DAB1: variants seen among roughly 807,000 people sequenced by gnomAD.
DAB1 encodes the protein disabled homolog 1.
A neutral mutation model predicts 64.6 loss-of-function variants in DAB1; 15 were observed. That is an observed-to-expected ratio of 0.23 (90% confidence interval 0.16 to 0.36). DAB1 has a LOEUF of 0.36. DAB1 is among the 10% of genes least tolerant of loss of function. The pLI is 1.00. For missense variants in DAB1, 596 were observed against 706.7 expected (o/e 0.84, Z 1.78); for synonymous variants, 235 against 251.9 (o/e 0.93, Z 0.64).
At chr1:57,622,586 C>T (rs934735645) in intron 7 of DAB1, among the ~76,000 whole-genome samples, 1 of 152,112 alleles carries the variant, frequency 6.6e-6, no homozygotes, top group Non-Finnish European at 1.5e-5. Context: ...TATCATTTTT[C>T]CTGTTTTGTG....
intron 5 of DAB1, among the ~76,000 whole-genome samples, chr1:57,979,635 T>C (rs1646013430): frequency 6.6e-6 from 1 of 152,272 alleles, no homozygotes; most frequent in Non-Finnish European, 1.5e-5. Flanking sequence ...TCCTCCAGCA[T>C]GCCTTGACAG....
chr1:58,499,864 T>C (rs1164153679), intron 3 of DAB1, among the ~76,000 whole-genome samples: 4 of 152,020 alleles, frequency 2.6e-5, no homozygotes, highest in Non-Finnish European at 5.9e-5. Flanking sequence ...AAAGTATTTA[T>C]GAAACAACTG....
intron 7 of DAB1, among the ~76,000 whole-genome samples, chr1:57,473,685 T>C (rs1239154832): frequency 2.0e-5 from 3 of 152,194 alleles, no homozygotes; most frequent in African/African-American, 7.2e-5. Flanking sequence ...TCCTGGCATC[T>C]AGAGCTGCTC....
chr1:57,334,961 A>G (rs539102278), intron 1 of DAB1, among the ~76,000 whole-genome samples: 8 of 152,336 alleles, frequency 5.3e-5, no homozygotes, highest in African/African-American at 1.7e-4. Flanking sequence ...TAGAAACCAG[A>G]GAACTAACCT....
chr1:57,439,418 G>GTTTTTTTTTTTTTTTTTTTTTTTTTT lies in DAB1; in HGVS notation n.626-148253_626-148252insAAAAAAAAAAAAAAAAAAAAAAAAAA. On this transcript the variant is annotated intron_variant and non_coding_transcript_variant, in intron 7 of 20. Coordinates refer to the DAB1 transcript ENST00000485760. ...GCCATGCCATCAACTTGGTGATGAGGTTTTTTCTTTTTTTTTTTTTTTTTT... is the reference window on the plus strand; with the variant it reads ...GCCATGCCATCAACTTGGTGATGAGGTTTTTTTTTTTTTTTTTTTTTTTTTTTTTTTTCTTTTTTTTTTTTTTTTTT... 1.0e-3 allele frequency among the ~76,000 whole-genome samples: 121 copies of GTTTTTTTTTTTTTTTTTTTTTTTTTT among 116,090 alleles called. 9 individuals carry two copies. Among genetic ancestry groups the GTTTTTTTTTTTTTTTTTTTTTTTTTT allele is most frequent in the African/African-American group, 2.1e-3 (60 of 28,264 alleles). 76.2% of individuals were successfully genotyped at this position (116,090 alleles called of 152,430 possible).
At chr1:57,597,866 T>A (rs1645529033) in intron 7 of DAB1, among the ~76,000 whole-genome samples, 1 of 152,272 alleles carries the variant, frequency 6.6e-6, no homozygotes, top group Non-Finnish European at 1.5e-5. Context: ...TGGCACATCT[T>A]AAACTTTAAA....
intron 4 of DAB1, among the ~76,000 whole-genome samples, chr1:58,166,329 C>T (rs538933602): frequency 9.9e-5 from 15 of 152,168 alleles, no homozygotes; most frequent in African/African-American, 2.7e-4. Context: ...CCTGTTCCCA[C>T]GCTAAGCTCC....
intron 5 of DAB1, among the ~76,000 whole-genome samples, chr1:58,034,151 GTCAC>G (rs1215135955): frequency 1.3e-5 from 2 of 152,224 alleles, no homozygotes; most frequent in Non-Finnish European, 2.9e-5. Context: ...TTCGCTAGCA[GTCAC>G]TCTCTCACTC....
intron 2 of DAB1, among the ~76,000 whole-genome samples, chr1:57,164,359 A>C (rs976055388): frequency 6.6e-6 from 1 of 152,100 alleles, no homozygotes; most frequent in African/African-American, 2.4e-5. Flanking sequence ...TGACTTCATG[A>C]GAGCTGGGAC....
intron 4 of DAB1, among the ~76,000 whole-genome samples, chr1:57,117,258 G>C (rs1656221752): frequency 6.6e-6 from 1 of 152,194 alleles, no homozygotes; most frequent in Non-Finnish European, 1.5e-5. Context: ...CACTCTACTG[G>C]CTGGCCATCT....
intron 7 of DAB1, among the ~76,000 whole-genome samples, chr1:57,518,838 A>C (rs1249529461): frequency 1.3e-5 from 2 of 152,190 alleles, no homozygotes; most frequent in African/African-American, 4.8e-5. Flanking sequence ...AGAAAGGCCT[A>C]TTATGTTAGT....
chr1:57,323,936 G>A (rs774898800), intron 1 of DAB1, among the ~76,000 whole-genome samples: 1 of 152,038 alleles, frequency 6.6e-6, no homozygotes, highest in Admixed American at 6.6e-5. Context: ...CTGAAGGTGA[G>A]TGGGATTTCT....
chr1:58,374,469 T>A (rs1257605481), intron 3 of DAB1, among the ~76,000 whole-genome samples: 2 of 151,848 alleles, frequency 1.3e-5, no homozygotes, highest in South Asian at 2.1e-4. Context: ...TTCTCAGGTT[T>A]GTCAAAGATC....
intron 5 of DAB1, among the ~76,000 whole-genome samples, chr1:57,911,693 C>T (rs1644647392): frequency 1.3e-5 from 2 of 152,174 alleles, no homozygotes; most frequent in Admixed American, 6.5e-5. Flanking sequence ...CAGCACAAGC[C>T]GTGCAGTGCC....
chr1:57,309,540 A>G (rs1041059283), intron 1 of DAB1, among the ~76,000 whole-genome samples: 2 of 152,190 alleles, frequency 1.3e-5, no homozygotes, highest in African/African-American at 2.4e-5. Flanking sequence ...CTCAGGTAAC[A>G]TAACTTACCA....
At chr1:57,483,802 C>T (rs1053457395) in intron 7 of DAB1, among the ~76,000 whole-genome samples, 5 of 152,092 alleles carry the variant, frequency 3.3e-5, no homozygotes, top group Non-Finnish European at 5.9e-5. Context: ...ATTTTATATA[C>T]CCTGGGTTGC....
intron 5 of DAB1, among the ~76,000 whole-genome samples, chr1:58,091,890 T>C (rs1465349860): frequency 6.6e-6 from 1 of 151,496 alleles, no homozygotes; most frequent in Non-Finnish European, 1.5e-5. Flanking sequence ...TATGAACTCC[T>C]GATTTTTTTT....
chr1:57,195,567 C>G (rs1664558610), intron 2 of DAB1, among the ~76,000 whole-genome samples: 1 of 152,226 alleles, frequency 6.6e-6, no homozygotes. Flanking sequence ...GATGCTGCAG[C>G]TGAGGGCTGA....
intron 7 of DAB1, among the ~76,000 whole-genome samples, chr1:57,452,171 T>TTG (rs1686405410): frequency 7.4e-6 from 1 of 135,056 alleles, no homozygotes; most frequent in South Asian, 2.8e-4. Flanking sequence ...CCCCCCTTTT[T>TTG]TTTTTTTTTT....
Sources: allele counts gnomAD v4.1 joint callset (sites outside exome capture counted in the v4.1 genomes callset), GRCh38; gene constraint gnomAD v4.1.1; transcripts MANE v1.5; gene names NCBI Gene and HGNC (gene_info 2026-07-23, HGNC 2026-07-21).